The following MDGA2 variants were observed in gnomAD, a reference collection of about 807,000 sequenced individuals.
The protein encoded by MDGA2 is MAM domain containing glycosylphosphatidylinositol anchor 2, also known as MAM domain-containing glycosylphosphatidylinositol anchor protein 2.
A neutral mutation model predicts 117.8 loss-of-function variants in MDGA2; 40 were observed. The observed-to-expected ratio is 0.34, with a 90% CI of 0.26 to 0.44. The LOEUF (loss-of-function observed/expected upper bound fraction) is 0.44, where lower values mean the gene tolerates loss of function less well. MDGA2 is among the 20% of genes least tolerant of loss of function. The probability of loss-of-function intolerance (pLI) is 1.00; values close to 1 mark genes in which losing one functional copy is unlikely to be tolerated. For missense variants in MDGA2, 1,123 were observed against 1,250.6 expected, an observed-to-expected ratio of 0.90 and a Z score of 1.54; for synonymous variants, 452 against 439.0, an observed-to-expected ratio of 1.03 and a Z score of -0.37.
At chr14:47,447,825 G>A (rs1220574611) in intron 1 of MDGA2, among the ~76,000 whole-genome samples, 1 of 152,160 alleles carries the variant, frequency 6.6e-6, no homozygotes, top group Non-Finnish European at 1.5e-5. Context: ...AAATTTCTCA[G>A]GCAGAAATAA....
chr14:47,558,676 T>C (rs1332663403), intron 1 of MDGA2, among the ~76,000 whole-genome samples: 1 of 152,228 alleles, frequency 6.6e-6, no homozygotes, highest in African/African-American at 2.4e-5. Flanking sequence ...AACTGTTTCC[T>C]GCCAGTCAAT....
intron 5 of MDGA2, among the ~76,000 whole-genome samples, chr14:47,110,437 T>C (rs1880977177): frequency 6.6e-6 from 1 of 152,184 alleles, no homozygotes; most frequent in South Asian, 2.1e-4. Context: ...CCATCTGGTG[T>C]TGATTTCATA....
At chr14:46,896,764 A>G (rs921671520) in intron 10 of MDGA2, among the ~76,000 whole-genome samples, 2 of 152,182 alleles carry the variant, frequency 1.3e-5, no homozygotes, top group African/African-American at 4.8e-5. Flanking sequence ...AATGAAACAC[A>G]ATAACTTTCT....
intron 1 of MDGA2, among the ~76,000 whole-genome samples, chr14:47,513,025 G>A (rs1276116335): frequency 3.3e-5 from 5 of 151,964 alleles, no homozygotes; most frequent in Admixed American, 6.6e-5. Context: ...TCATCTTCAA[G>A]ATAAGAACTG....
At chr14:47,528,417 C>T (rs1208845697) in intron 1 of MDGA2, among the ~76,000 whole-genome samples, 1 of 152,184 alleles carries the variant, frequency 6.6e-6, no homozygotes, top group Non-Finnish European at 1.5e-5. Context: ...AGTCATCATA[C>T]ATATTGATAA....
chr14:47,397,920 A>T (rs1414205144), intron 1 of MDGA2, among the ~76,000 whole-genome samples: 1 of 152,186 alleles, frequency 6.6e-6, no homozygotes, highest in Non-Finnish European at 1.5e-5. Context: ...AAGAATTAGA[A>T]ACATCTGGTG....
intron 1 of MDGA2, among the ~76,000 whole-genome samples, chr14:47,600,765 A>T (rs1462694063): frequency 6.6e-6 from 1 of 151,550 alleles, no homozygotes; most frequent in Non-Finnish European, 1.5e-5. Flanking sequence ...CACTTCAATT[A>T]TCAATCCATC....
intron 1 of MDGA2, among the ~76,000 whole-genome samples, chr14:47,518,977 G>A (rs1894812327): frequency 6.6e-6 from 1 of 152,154 alleles, no homozygotes; most frequent in South Asian, 2.1e-4. Flanking sequence ...GCTGAGGCGG[G>A]CAGATCAACT....
intron 2 of MDGA2, among the ~76,000 whole-genome samples, chr14:47,298,518 C>T (rs766979977): frequency 1.3e-5 from 2 of 152,126 alleles, no homozygotes; most frequent in Non-Finnish European, 2.9e-5. Flanking sequence ...TTAGACCAAG[C>T]GAGAAAGTCA....
At chr14:47,310,324 A>G (rs1017739336) in intron 1 of MDGA2, among the ~76,000 whole-genome samples, 7 of 152,156 alleles carry the variant, frequency 4.6e-5, no homozygotes, top group Non-Finnish European at 1.0e-4. Context: ...GAGAAGAACC[A>G]TGGGCCATCA....
intron 10 of MDGA2, among the ~76,000 whole-genome samples, chr14:46,886,368 C>T (rs937355908): frequency 6.6e-6 from 1 of 151,444 alleles, no homozygotes; most frequent in Non-Finnish European, 1.5e-5. Flanking sequence ...AAAATTTTCA[C>T]AAAATATTGA....
Position 47,207,935 on chromosome 14 carries a change from G to A in MDGA2, c.595+10086C>T, listed in dbSNP as rs116556216. ...ACCAGTATGTTTCAGAAGCTAAGAC[G>A]TATTAAATTTTTCCCTCTATCAAGA... On this transcript the variant is annotated intron_variant, in intron 3 of 16. Coordinates refer to ENST00000399232, the MANE Select transcript of MDGA2 (RefSeq NM_001113498.3). Among the ~76,000 whole-genome samples the A allele has an allele frequency of 7.0e-3, 1,066 of 152,020 alleles. 21 individuals are homozygous for A. The highest frequency in any genetic ancestry group is 0.025 in the African/African-American group (1,026 of 41,498).
At chr14:47,063,206 T>C (rs1889956594) in intron 6 of MDGA2, among the ~76,000 whole-genome samples, 1 of 152,072 alleles carries the variant, frequency 6.6e-6, no homozygotes, top group South Asian at 2.1e-4. Context: ...CCTGAATTAC[T>C]GTTTAGAAAA....
intron 1 of MDGA2, among the ~76,000 whole-genome samples, chr14:47,633,995 C>T (rs578088127): frequency 6.6e-6 from 1 of 152,196 alleles, no homozygotes; most frequent in South Asian, 2.1e-4. Flanking sequence ...GGATGAAGTA[C>T]AGACCAAAGT....
At position 46,925,200 on chromosome 14, in the gene MDGA2, G is replaced by A. The variant is rs113914975; in HGVS notation, c.2090-5040C>T. On this transcript the variant is annotated intron_variant, in intron 9 of 16. Transcript: ENST00000399232. The stretch of plus-strand genomic sequence containing the variant: ...GAAAGACATGCTGTCAACTTAAAGC[G>A]CAGAGAATTCCTCTAAATCCCAATG... Among the ~76,000 whole-genome samples the A allele has an allele frequency of 1.8e-4, 28 of 152,238 alleles. 2 individuals carry two copies. The highest frequency in any genetic ancestry group is 5.2e-4 in the Admixed American group (8 of 15,282).
intron 1 of MDGA2, among the ~76,000 whole-genome samples, chr14:47,340,955 A>C (rs1890602766): frequency 6.6e-6 from 1 of 152,174 alleles, no homozygotes; most frequent in African/African-American, 2.4e-5. Context: ...AACACTTAAG[A>C]GAATATTGAT....
At chr14:47,433,857 C>A (rs1892846451) in intron 1 of MDGA2, among the ~76,000 whole-genome samples, 1 of 152,048 alleles carries the variant, frequency 6.6e-6, no homozygotes, top group African/African-American at 2.4e-5. Flanking sequence ...GTTGAAGCTT[C>A]ACAGAGAATA....
chr14:47,503,440 G>A (rs1227913941), intron 1 of MDGA2, among the ~76,000 whole-genome samples: 1 of 55,644 alleles, frequency 1.8e-5, no homozygotes, highest in Non-Finnish European at 3.4e-5. Context: ...TTTTTTTTTT[G>A]GAGATGGAGT....
intron 7 of MDGA2, among the ~76,000 whole-genome samples, chr14:47,049,850 A>G (rs1357803604): frequency 2.0e-5 from 3 of 151,878 alleles, no homozygotes; most frequent in East Asian, 1.9e-4. Context: ...TTTACCCATC[A>G]TATACTTGGA....
Sources: allele counts gnomAD v4.1 joint callset (sites outside exome capture counted in the v4.1 genomes callset), GRCh38; gene constraint gnomAD v4.1.1; transcripts MANE v1.5; gene names NCBI Gene and HGNC (gene_info 2026-07-23, HGNC 2026-07-21).